LRP3: variants seen among roughly 807,000 people sequenced by gnomAD.
LRP3 encodes the protein LDL receptor related protein 3, also known as low-density lipoprotein receptor-related protein 3.
Under a neutral mutation model 58.5 loss-of-function variants are expected in LRP3, and 49 were observed. That is an observed-to-expected ratio of 0.84 (90% CI 0.67 to 1.06). The LOEUF is 1.06. Ranked by LOEUF, LRP3 falls within the 50% of genes least tolerant of loss-of-function variation. LRP3 has a pLI of 0.00. For missense variants in LRP3, 1,019 were observed against 1,134.2 expected, an observed-to-expected ratio of 0.90 and a Z score of 1.46; for synonymous variants, 485 against 492.2, an observed-to-expected ratio of 0.99 and a Z score of 0.20.
chr19:33,206,948 C>A, intron 6 of LRP3, 40 bp from the exon 7 acceptor site: 1 of 1,389,666 alleles, frequency 7.2e-7, no homozygotes, highest in Non-Finnish European at 9.5e-7. Context: ...TCTGCCCCCT[C>A]AGCCGCATCC....
chr19:33,208,068 T>G lies in LRP3; in HGVS notation c.*493T>G. 1 of 168,404 alleles carries G rather than the reference T, an allele frequency of 5.9e-6. No individual in the cohort carries two copies. The highest frequency in any genetic ancestry group is 1.3e-5 in the Non-Finnish European group (1 of 77,238). 10.4% of individuals were successfully genotyped at this position (168,404 alleles called of 1,614,324 possible). On this transcript the variant is annotated 3_prime_UTR_variant, in exon 7 of 7. Coordinates refer to ENST00000253193, the MANE Select transcript of LRP3 (RefSeq NM_002333.4). This position sits in a 1 kb window ranked among gnomAD's most constrained non-coding sequence, Gnocchi z 4.7. ...TTGGGTGGCTCCTGCCAAACCCTCA[T>G]GCCCCTGGCCAGGCAGGCGCCCTTT...
At chr19:33,194,882 C>G in intron 1 of LRP3, 24 bp downstream of exon 1, 1 of 1,101,970 alleles carries the variant, frequency 9.1e-7, no homozygotes, top group Non-Finnish European at 1.1e-6. Flanking sequence ...GCGGGCCGGG[C>G]AGGTCCGGGT....
intron 2 of LRP3, among the ~76,000 whole-genome samples, chr19:33,200,376 C>T (rs1013236243): frequency 2.8e-5 from 4 of 141,110 alleles, no homozygotes; most frequent in South Asian, 2.5e-4. Flanking sequence ...GGATCACAGA[C>T]GCCCAGTACC....
Position 33,205,628 on chromosome 19 carries a change from G to A in LRP3, c.858G>A (p.Val286=). The A allele has an allele frequency of 3.7e-6, 6 of 1,611,326 alleles. No homozygotes were observed. The highest frequency in any genetic ancestry group is 5.1e-6 in the Non-Finnish European group (6 of 1,179,442). Residue 286 remains valine (V), a synonymous_variant, in exon 5 of 7, where the codon GTG becomes GTA. Transcript: ENST00000253193. ...CAGACCTTCACTGCACGTGGCTGGT[G>A]GACACACAGGACTCCCGGCGGGTGC... The part of the protein sequence containing the change: ...GPSDLHCTWL[V]DTQDSRRVLL...
rs751673169 is a variant in LRP3 at position 33,204,869 on chromosome 19, G to T, written c.475+17G>T. On this transcript the variant is annotated intron_variant, in intron 4 of 6. Transcript: ENST00000253193. Reference sequence around the variant, plus strand: ...ACATCCGAGGTGATGGAGGCTGCAGGGCAGGCAGGACACCACGGAGCACAC... The same window carrying T: ...ACATCCGAGGTGATGGAGGCTGCAGTGCAGGCAGGACACCACGGAGCACAC... 2 of 1,610,048 alleles carry T rather than the reference G, an allele frequency of 1.2e-6. No individual in the cohort carries two copies. The highest frequency in any genetic ancestry group is 1.7e-6 in the Non-Finnish European group (2 of 1,178,468).
Position 33,207,225 on chromosome 19 carries a change from A to G in LRP3, c.1963A>G (p.Met655Val). The G allele has an allele frequency of 6.4e-7, 1 of 1,562,906 alleles. No individual in the cohort carries two copies. Among genetic ancestry groups the G allele is most frequent in the South Asian group, 1.2e-5 (1 of 85,808 alleles). ...GAAPDPPAPL[M>V]DTGSTRAAGD... ...TGCCCCCGACCCCCCAGCACCGCTC[A>G]TGGACACAGGCAGCACCAGGGCGGC... The change falls in exon 7 of 7, where the codon ATG (methionine) becomes GTG (valine). Residue 655 changes from methionine to valine, a missense_variant. Transcript: ENST00000253193.
At position 33,208,664 on chromosome 19, in the gene LRP3, G is replaced by A. The variant is rs549228015; in HGVS notation, c.*1089G>A. ...ATCAGGGACTCCCCATAGCACGAGC[G>A]AACAGCCAGCCCTGTTTATTTATAG... On this transcript the variant is annotated 3_prime_UTR_variant, in exon 7 of 7. Coordinates refer to ENST00000253193, the MANE Select transcript of LRP3 (RefSeq NM_002333.4). The surrounding 1 kb of genome is among the most constrained non-coding windows in gnomAD (Gnocchi z 4.7). 20 of 602,636 alleles carry A rather than the reference G, an allele frequency of 3.3e-5. No individual in the cohort carries two copies. The highest frequency in any genetic ancestry group is 2.4e-4 in the African/African-American group (13 of 53,976). 37.3% of individuals were successfully genotyped at this position (602,636 alleles called of 1,614,324 possible). A position where few individuals can be genotyped will look rare whatever the true frequency, so the allele number is the denominator to read the frequency against.
chr19:33,194,692 CGAGCCGCAGCCAGAGCCAGAGCCG>C lies in LRP3; in HGVS notation c.-82_-59del. On this transcript the variant is annotated 5_prime_UTR_variant, in exon 1 of 7. Coordinates refer to ENST00000253193, the MANE Select transcript of LRP3 (RefSeq NM_002333.4). ...CCGAGCCCTAGCCCGAGCCCGAGCC[CGAGCCGCAGCCAGAGCCAGAGCCG>C]GAGCCGCAGCCGGAACCGGAGCCGG... 3.3e-6 allele frequency: 1 copy of C among 298,558 alleles called. No individual in the cohort carries two copies. The highest frequency in any genetic ancestry group is 4.9e-6 in the Non-Finnish European group (1 of 202,996). The allele number at this position is 298,558 out of a possible 1,614,324, so 18.5% of individuals were successfully genotyped here.
At position 33,204,627 on chromosome 19, in the gene LRP3, C is replaced by T. The variant is rs772417010; in HGVS notation, c.261-11C>T. On this transcript the variant is annotated splice_polypyrimidine_tract_variant and intron_variant, in intron 3 of 6. Coordinates refer to ENST00000253193, the MANE Select transcript of LRP3 (RefSeq NM_002333.4). The stretch of plus-strand genomic sequence containing the variant: ...CTGCCTCATGTCTGGGTCCTCTCCG[C>T]CCCCCCGCAGCTTCCGCAACTTTGA... 1.3e-6 allele frequency: 2 copies of T among 1,585,324 alleles called. No homozygotes were observed. Among genetic ancestry groups the T allele is most frequent in the South Asian group, 1.1e-5 (1 of 90,520 alleles).
intron 1 of LRP3, 111 bp from the exon 2 acceptor site, chr19:33,196,619 G>A: frequency 1.0e-6 from 1 of 974,342 alleles, no homozygotes; most frequent in Non-Finnish European, 1.6e-6. Flanking sequence ...CCTGTAAGAG[G>A]AAGGGGACCA....
rs771323386 is a variant in LRP3, at chr19:33,207,625, TAC to T, written c.*54_*55del. The T allele has an allele frequency of 5.9e-6, 8 of 1,360,818 alleles. No individual in the cohort carries two copies. Among genetic ancestry groups the T allele is most frequent in the South Asian group, 1.2e-5 (1 of 83,146 alleles). 84.3% of individuals were successfully genotyped at this position (1,360,818 alleles called of 1,614,324 possible). On this transcript the variant is annotated 3_prime_UTR_variant, in exon 7 of 7. Transcript: ENST00000253193. ...ACAGCCCCGCTTTGTAACCAGGGAA[TAC>T]ACAGTCATTTCTACCCTGCCTCTGC...
rs1253339025 is a variant in LRP3 at position 33,207,210 on chromosome 19, C to T, written c.1948C>T (p.Pro650Ser). The T allele has an allele frequency of 2.6e-6, 4 of 1,557,192 alleles. No homozygotes were observed. In the East Asian group the frequency reaches 6.9e-5, roughly 27 times the overall value. ...GCCTGCTCCAGGGGCTGCCCCCGAC[C>T]CCCCAGCACCGCTCATGGACACAGG... ...LQPAPGAAPD[P>S]PAPLMDTGST... Residue 650 changes from proline to serine, a missense_variant, in exon 7 of 7, where the codon CCC becomes TCC. By Grantham distance (74) the Pro-to-Ser change is moderately conservative. Around this residue, in one of 2 missense-constraint regions of LRP3, gnomAD observed 427 missense variants for 408.6 expected, o/e 1.04. Transcript: ENST00000253193.
rs1250083841 is a variant in LRP3 at position 33,207,317 on chromosome 19, C to T, written c.2055C>T (p.Pro685=). The change falls in exon 7 of 7, where the codon CCC becomes CCT. Residue 685 remains proline, a synonymous_variant. Transcript: ENST00000253193. ...PEVGPSGPPL[P]SGLRDPECRP... ...TGGGACCTTCAGGGCCACCCTTGCC[C>T]TCGGGCCTGCGAGACCCAGAGTGCA... 6.4e-7 allele frequency: 1 copy of T among 1,572,130 alleles called. No individual in the cohort carries two copies. The highest frequency in any genetic ancestry group is 1.1e-5 in the South Asian group (1 of 87,016).
At position 33,208,864 on chromosome 19, in the gene LRP3, A is replaced by G; in HGVS notation, c.*1289A>G. The G allele has an allele frequency of 6.2e-7, 1 of 1,610,204 alleles. No individual in the cohort carries two copies. On this transcript the variant is annotated 3_prime_UTR_variant, in exon 7 of 7. Transcript: ENST00000253193. This position sits in a 1 kb window ranked among gnomAD's most constrained non-coding sequence, Gnocchi z 4.7. ...CTCAATAAACAACATGTAAACAGAA[A>G]CAACTGCTTCAGTCTCTACAAAAAT... is the stretch of plus-strand genomic sequence containing the variant.
rs1357752866 is a variant in LRP3, at chr19:33,207,116, C to T, written c.1854C>T (p.Pro618=). ...GGCTCTTTCACCGGCCGCGGGCGCC[C>T]CGAGGCCAGATCCCACTGCTGACCG... The part of the protein sequence containing the change: ...WNRLFHRPRA[P]RGQIPLLTAA... The change falls in exon 7 of 7, where the codon CCC becomes CCT. Residue 618 remains proline (P), a synonymous_variant. Transcript: ENST00000253193. 5.2e-6 allele frequency: 8 copies of T among 1,528,184 alleles called. No homozygotes were observed. The highest frequency in any genetic ancestry group is 2.5e-5 in the East Asian group (1 of 40,468). 94.7% of individuals were successfully genotyped at this position (1,528,184 alleles called of 1,614,324 possible). A position where few individuals can be genotyped will look rare whatever the true frequency, so the allele number is the denominator to read the frequency against.
rs560430133 is a variant in LRP3, at chr19:33,207,440, G to C, written c.2178G>C (p.Pro726=). Residue 726 remains proline (P), a synonymous_variant, in exon 7 of 7, where the codon CCG becomes CCC. Transcript: ENST00000253193. The part of the protein sequence containing the change: ...APREPCSAQD[P]HPQVSTASST... The stretch of plus-strand genomic sequence containing the variant: ...GGGAGCCCTGCTCAGCCCAGGACCC[G>C]CACCCCCAGGTCTCCACTGCCAGCA... 4.4e-6 allele frequency: 7 copies of C among 1,595,798 alleles called. No homozygotes were observed. Among genetic ancestry groups the C allele is most frequent in the Non-Finnish European group, 1.7e-6 (2 of 1,175,698 alleles).
At chr19:33,205,219 G>T in intron 4 of LRP3, 27 bp from the exon 5 acceptor site, 1 of 1,595,324 alleles carries the variant, frequency 6.3e-7, no homozygotes, top group South Asian at 1.1e-5. Context: ...TCTCCTGACT[G>T]TCCCCTGCTA....
At chr19:33,196,545 A>G (rs1974287483) in intron 1 of LRP3, among the ~76,000 whole-genome samples, 185 bp from the exon 2 acceptor site, 1 of 152,008 alleles carries the variant, frequency 6.6e-6, no homozygotes, top group Non-Finnish European at 1.5e-5. Flanking sequence ...GGAGGCAGGG[A>G]GGTGGGGGTG....
At chr19:33,199,785 T>A (rs1470164517) in intron 2 of LRP3, among the ~76,000 whole-genome samples, 1 of 152,172 alleles carries the variant, frequency 6.6e-6, no homozygotes, top group African/African-American at 2.4e-5. Flanking sequence ...CAACCCCTGA[T>A]GAAGGGGTCA....
Sources: allele counts gnomAD v4.1 joint callset (sites outside exome capture counted in the v4.1 genomes callset), GRCh38; gene constraint gnomAD v4.1.1; regional missense constraint gnomAD v4.1.1; non-coding constraint Gnocchi (gnomAD v3.1); transcripts MANE v1.5; gene names NCBI Gene and HGNC (gene_info 2026-07-23, HGNC 2026-07-21).